MTMR8: variants seen among roughly 807,000 people sequenced by gnomAD.
The protein encoded by MTMR8 is phosphatidylinositol-3,5-bisphosphate 3-phosphatase MTMR8.
MTMR8 carries 65 observed loss-of-function variants against 39.3 expected under a neutral mutation model. The ratio of observed to expected loss-of-function variants is 1.65; its 90% CI spans 1.35 to 2.03. MTMR8 has a LOEUF of 2.03. MTMR8 is among the 30% of genes most tolerant of loss of function. The pLI is 0.00. For missense variants in MTMR8, 777 were observed against 538.9 expected, an observed-to-expected ratio of 1.44 and a Z score of -4.37; for synonymous variants, 245 against 185.2, an observed-to-expected ratio of 1.32 and a Z score of -2.62.
chrX:64,346,436 T>C (rs1204379980), intron 6 of MTMR8, among the ~76,000 whole-genome samples: 5 of 111,130 alleles, frequency 4.5e-5, no homozygotes, highest in Admixed American at 9.6e-5. Context: ...ATAGTGTTAC[T>C]GAGCTTTCAT....
At chrX:64,322,059 T>C (rs1165349009) in intron 12 of MTMR8, among the ~76,000 whole-genome samples, 1 of 110,629 alleles carries the variant, frequency 9.0e-6, no homozygotes, top group Non-Finnish European at 1.9e-5. Context: ...TTTTTTTTTT[T>C]TTGAGGCAGG....
chrX:64,296,299 C>A (rs959468121), intron 12 of MTMR8, among the ~76,000 whole-genome samples: 1 of 111,047 alleles, frequency 9.0e-6, no homozygotes, highest in Non-Finnish European at 1.9e-5. Context: ...TAGAGGGCTG[C>A]CAGGGGCTGC....
intron 1 of MTMR8, among the ~76,000 whole-genome samples, chrX:64,388,659 T>G (rs1017577937): frequency 1.8e-5 from 2 of 112,296 alleles, no homozygotes; most frequent in Non-Finnish European, 3.8e-5. Context: ...CCTTCCAGAT[T>G]GATACCAGCA....
At chrX:64,336,193 C>A (rs772041909) in intron 9 of MTMR8, 65 bp from the exon 10 acceptor site, 8 of 788,789 alleles carry the variant, frequency 1.0e-5, no homozygotes, top group African/African-American at 6.3e-5. Context: ...ACCATACACA[C>A]AAGAATGTCA....
intron 1 of MTMR8, among the ~76,000 whole-genome samples, chrX:64,391,683 A>T: frequency 8.9e-6 from 1 of 112,501 alleles, no homozygotes; most frequent in East Asian, 2.8e-4. Context: ...ACCATGTGCC[A>T]GACATTGTTC....
At position 64,395,225 on chromosome X, in the gene MTMR8, C is replaced by T; in HGVS notation, c.24+115G>A. 5.0e-6 allele frequency: 4 copies of T among 798,045 alleles called. No homozygotes were observed. In the Admixed American group the frequency reaches 7.1e-5, roughly 14 times the overall value. The allele number at this position is 798,045 out of a possible 1,213,427, so 65.8% of individuals were successfully genotyped here. A position where few individuals can be genotyped will look rare whatever the true frequency, so the allele number is the denominator to read the frequency against. On this transcript the variant is annotated intron_variant, in intron 1 of 13. Coordinates refer to ENST00000374852, the MANE Select transcript of MTMR8 (RefSeq NM_017677.4). Reference sequence around the variant, plus strand: ...CCCAGAAAGAGAACCCGGGACCCCCCACAGGAAAGACGCGTCAAAGAAGGC... The same window carrying T: ...CCCAGAAAGAGAACCCGGGACCCCCTACAGGAAAGACGCGTCAAAGAAGGC...
intron 12 of MTMR8, among the ~76,000 whole-genome samples, chrX:64,275,366 A>C (rs1931848355): frequency 9.0e-6 from 1 of 110,704 alleles, no homozygotes; most frequent in Admixed American, 9.7e-5. Flanking sequence ...AGGTTAGAGA[A>C]GAAATAAATG....
At chrX:64,314,735 A>G (rs751324904) in intron 12 of MTMR8, among the ~76,000 whole-genome samples, 2 of 112,494 alleles carry the variant, frequency 1.8e-5, no homozygotes, top group Non-Finnish European at 1.9e-5. Flanking sequence ...CGGTCAAGGC[A>G]ATGTGGGAAG....
chrX:64,271,420 T>A (rs970739302), intron 12 of MTMR8, among the ~76,000 whole-genome samples: 1 of 112,276 alleles, frequency 8.9e-6, no homozygotes, highest in Non-Finnish European at 1.9e-5. Flanking sequence ...TAGGAAGCCC[T>A]GGACTGTCCT....
At chrX:64,297,929 C>G (rs1291277874) in intron 12 of MTMR8, among the ~76,000 whole-genome samples, 1 of 97,627 alleles carries the variant, frequency 1.0e-5, no homozygotes, top group Non-Finnish European at 2.1e-5. Context: ...CTGTTCTGTT[C>G]CATTGATCTA....
At chrX:64,281,154 C>T (rs979868723) in intron 12 of MTMR8, among the ~76,000 whole-genome samples, 1 of 111,365 alleles carries the variant, frequency 9.0e-6, no homozygotes, top group Admixed American at 9.6e-5. Flanking sequence ...ATGCTCTTCC[C>T]ATCAAAGAAC....
At chrX:64,314,415 G>A (rs942048904) in intron 12 of MTMR8, among the ~76,000 whole-genome samples, 1 of 112,550 alleles carries the variant, frequency 8.9e-6, no homozygotes, top group Non-Finnish European at 1.9e-5. Flanking sequence ...TGTGTGTGTG[G>A]TCCTGCTAGT....
intron 10 of MTMR8, 36 bp downstream of exon 10, chrX:64,336,043 C>A: frequency 8.9e-7 from 1 of 1,119,191 alleles, no homozygotes; most frequent in Non-Finnish European, 1.2e-6. Flanking sequence ...AATGAACTAT[C>A]CTCAGCCCCT....
intron 11 of MTMR8, among the ~76,000 whole-genome samples, chrX:64,330,852 TA>T (rs1710080147): frequency 8.9e-6 from 1 of 111,966 alleles, no homozygotes; most frequent in Admixed American, 9.5e-5. Flanking sequence ...TTTTTCAGAA[TA>T]TTTAGAAAAA....
At chrX:64,301,919 C>T (rs753189212) in intron 12 of MTMR8, among the ~76,000 whole-genome samples, 10 of 111,971 alleles carry the variant, frequency 8.9e-5, no homozygotes, top group African/African-American at 1.6e-4. Context: ...GGTAGTCTGC[C>T]GGTTCTCAGA....
At chrX:64,355,088 G>A (rs1923589063) in intron 3 of MTMR8, among the ~76,000 whole-genome samples, 154 bp from the exon 4 acceptor site, 1 of 112,025 alleles carries the variant, frequency 8.9e-6, no homozygotes, top group African/African-American at 3.2e-5. Context: ...TTGCCTTTAT[G>A]TAAGGAATAA....
intron 1 of MTMR8, among the ~76,000 whole-genome samples, chrX:64,388,517 T>C (rs1172931881): frequency 8.9e-6 from 1 of 112,460 alleles, no homozygotes; most frequent in Non-Finnish European, 1.9e-5. Context: ...CTTGAACTTA[T>C]GCCTCTCCAC....
chrX:64,283,749 T>G (rs1417304428), intron 12 of MTMR8, among the ~76,000 whole-genome samples: 1 of 112,399 alleles, frequency 8.9e-6, no homozygotes, highest in Non-Finnish European at 1.9e-5. Context: ...TCCAACAGAC[T>G]TGCAGCTGAT....
intron 1 of MTMR8, among the ~76,000 whole-genome samples, chrX:64,385,136 T>A (rs1475527653): frequency 8.9e-6 from 1 of 112,146 alleles, no homozygotes; most frequent in African/African-American, 3.2e-5. Context: ...ATTCTCAAGC[T>A]CAAACTTCCA....
Sources: gnomAD v4.1 joint callset for allele counts (sites outside exome capture counted in the v4.1 genomes callset) on GRCh38, gnomAD v4.1.1 for gene constraint, MANE v1.5 for transcripts, NCBI Gene and HGNC (gene_info 2026-07-23, HGNC 2026-07-21) for gene names.